The following OR5T2 variants were observed in gnomAD, a reference collection of about 807,000 sequenced individuals.
OR5T2 encodes the protein olfactory receptor 5T2.
A neutral mutation model predicts 13.7 loss-of-function variants in OR5T2; 12 were observed. The observed-to-expected ratio is 0.88, with a 90% confidence interval of 0.56 to 1.42. The LOEUF is 1.42. OR5T2 is among the 40% of genes most tolerant of loss of function. OR5T2 has a pLI of 0.00. For missense variants in OR5T2, 475 were observed against 372.0 expected (o/e 1.28, Z -2.28); for synonymous variants, 146 against 139.5 (o/e 1.05, Z -0.33).
chr11:56,232,687 T>A lies in OR5T2; in HGVS notation c.376A>T (p.Asn126Tyr), dbSNP rs1190441069. ...ATGCTCACTGAATACAGGAGAGGGTTGTAGATGGCTACATAGCGATCATAA... is the reference window on the plus strand; with the variant it reads ...ATGCTCACTGAATACAGGAGAGGGTAGTAGATGGCTACATAGCGATCATAA... ...MAYDRYVAIYNPLLYSVSMSP... is the reference protein window; with the variant it reads ...MAYDRYVAIYYPLLYSVSMSP... Residue 126 changes from asparagine (N) to tyrosine (Y), a missense_variant, in exon 2 of 2, where the codon AAC (asparagine) becomes TAC (tyrosine). Transcript: ENST00000641661. The A allele has an allele frequency of 1.1e-5, 17 of 1,614,022 alleles. No individual in the cohort carries two copies. The highest frequency in any genetic ancestry group is 1.4e-5 in the Non-Finnish European group (17 of 1,180,018).
chr11:56,232,853 G>T lies in OR5T2; in HGVS notation c.210C>A (p.Cys70Ter). The change falls in exon 2 of 2, where the codon TGC becomes TGA. Residue 70 changes from cysteine to a stop codon, truncating the protein, a stop_gained. Transcript: ENST00000641661. LOFTEE classifies it high-confidence loss of function. ...TATTTGGGGTAATAACTGAGGAATA[G>T]CAGGCATCCACAGAAGACAACATAC... ...FLSMLSSVDA[C>*]YSSVITPNML... 1 of 1,612,610 alleles carries T rather than the reference G, an allele frequency of 6.2e-7. No homozygotes were observed. Among genetic ancestry groups the T allele is most frequent in the Non-Finnish European group, 8.5e-7 (1 of 1,179,238 alleles).
In OR5T2 at chr11:56,233,267, G is replaced by A. The variant is rs1026574285; in HGVS notation, c.-202-3C>T. Reference sequence around the variant, plus strand: ...CAGCCATGTGTTCATGCCACTCACTGCAGAATCAAATGGAAGAAATGGACG... The same window carrying A: ...CAGCCATGTGTTCATGCCACTCACTACAGAATCAAATGGAAGAAATGGACG... On this transcript the variant is annotated splice_region_variant and splice_polypyrimidine_tract_variant and intron_variant, in intron 1 of 1. Coordinates refer to ENST00000641661, the MANE Select transcript of OR5T2 (RefSeq NM_001004746.4). The A allele has an allele frequency of 6.2e-6, 7 of 1,131,156 alleles. No individual in the cohort carries two copies. Among genetic ancestry groups the A allele is most frequent in the East Asian group, 2.6e-5 (1 of 37,910 alleles). The allele number at this position is 1,131,156 out of a possible 1,614,324, so 70.1% of individuals were successfully genotyped here.
In OR5T2 at chr11:56,233,238, T is replaced by C; in HGVS notation, c.-176A>G. On this transcript the variant is annotated 5_prime_UTR_variant, in exon 2 of 2. Transcript: ENST00000641661. ...AGTGAATCAGAAGACAGTGACAAAC[T>C]GGTCAGCCATGTGTTCATGCCACTC... The C allele has an allele frequency of 7.0e-7, 1 of 1,423,926 alleles. No homozygotes were observed. Among genetic ancestry groups the C allele is most frequent in the Non-Finnish European group, 9.3e-7 (1 of 1,076,752 alleles). 88.2% of individuals were successfully genotyped at this position (1,423,926 alleles called of 1,614,324 possible). A position where few individuals can be genotyped will look rare whatever the true frequency, so the allele number is the denominator to read the frequency against.
Position 56,232,171 on chromosome 11 carries a change from A to G in OR5T2, c.892T>C (p.Ser298Pro). The G allele has an allele frequency of 1.3e-6, 2 of 1,584,326 alleles. No individual in the cohort carries two copies. Among genetic ancestry groups the G allele is most frequent in the Non-Finnish European group, 1.7e-6 (2 of 1,170,620 alleles). Reference protein sequence around the residue: ...YSLRNKDVKDSMKKMFGKNQV... With the variant: ...YSLRNKDVKDPMKKMFGKNQV... The stretch of plus-strand genomic sequence containing the variant: ...TTTTTCCCAAACATTTTTTTCATTG[A>G]GTCTTTTACATCTTTGTTCCTCAAA... Residue 298 changes from serine (S) to proline (P), a missense_variant, in exon 2 of 2, where the codon TCA becomes CCA. By Grantham distance (74) the Ser-to-Pro change is moderately conservative. Transcript: ENST00000641661.
chr11:56,232,191 C>T lies in OR5T2; in HGVS notation c.872G>A (p.Arg291Lys). 6.2e-7 allele frequency: 1 copy of T among 1,608,512 alleles called. No homozygotes were observed. Among genetic ancestry groups the T allele is most frequent in the Non-Finnish European group, 8.5e-7 (1 of 1,178,044 alleles). Residue 291 changes from arginine to lysine, a missense_variant, in exon 2 of 2, where the codon AGG becomes AAG. By Grantham distance (26) the Arg-to-Lys change is conservative. Coordinates refer to ENST00000641661, the MANE Select transcript of OR5T2 (RefSeq NM_001004746.4). The part of the protein sequence containing the change: ...PLLNPVIYSL[R>K]NKDVKDSMKK... ...CATTGAGTCTTTTACATCTTTGTTC[C>T]TCAAACTGTAGATGACGGGATTCAG...
rs557862783 is a variant in OR5T2 at position 56,231,394 on chromosome 11, T to C, written c.*712A>G. The C allele has an allele frequency of 6.6e-6, 1 of 152,210 alleles. No individual in the cohort carries two copies. Among genetic ancestry groups the C allele is most frequent in the South Asian group, 2.1e-4 (1 of 4,822 alleles). The allele number at this position is 152,210 out of a possible 1,614,324, so 9.4% of individuals were successfully genotyped here. ...GATTTCTTCCTCCCACACCACGTGG[T>C]AATCACCAACTGGGTATCCTCTAAT... On this transcript the variant is annotated 3_prime_UTR_variant, in exon 2 of 2. Transcript: ENST00000641661.
chr11:56,232,756 A>G lies in OR5T2; in HGVS notation c.307T>C (p.Cys103Arg). 6.2e-7 allele frequency: 1 copy of G among 1,614,122 alleles called. No individual in the cohort carries two copies. The highest frequency in any genetic ancestry group is 8.5e-7 in the Non-Finnish European group (1 of 1,179,986). Residue 103 changes from cysteine (C) to arginine (R), a missense_variant, in exon 2 of 2, where the codon TGT (cysteine) becomes CGT (arginine). By Grantham distance (180) the Cys-to-Arg change is radical. Coordinates refer to ENST00000641661, the MANE Select transcript of OR5T2 (RefSeq NM_001004746.4). The part of the protein sequence containing the change: ...LGCVAQVFLA[C>R]SFGTTECFLL... ...AAGCATTCTGTGGTTCCAAAACTAC[A>G]AGCAAGAAACACCTGTGCTACACAT...
At chr11:56,234,096 T>A (rs1044439103) in intron 1 of OR5T2, 81 bp downstream of exon 1, 10 of 152,236 alleles carry the variant, frequency 6.6e-5, no homozygotes, top group African/African-American at 2.4e-4. Context: ...ATCGTGAATG[T>A]AATAACGAAA....
At position 56,232,489 on chromosome 11, in the gene OR5T2, TGTGA is replaced by T; in HGVS notation, c.570_573del (p.His191GlnfsTer19). The T allele has an allele frequency of 2.5e-6, 4 of 1,607,378 alleles. No individual in the cohort carries two copies. The highest frequency in any genetic ancestry group is 3.4e-6 in the Non-Finnish European group (4 of 1,176,494). Reference sequence around the variant, plus strand: ...AAGTAGAAGAGTAGAAGCTGGTTTGTGTGAGTGTCAGAATAAGAAATAGCAAGGA... The same window carrying T: ...AAGTAGAAGAGTAGAAGCTGGTTTGTGTGTCAGAATAAGAAATAGCAAGGA... On this transcript the variant is annotated frameshift_variant, in exon 2 of 2. Transcript: ENST00000641661. LOFTEE classifies it high-confidence loss of function.
chr11:56,233,209 T>C lies in OR5T2; in HGVS notation c.-147A>G, dbSNP rs1239888678. 1.4e-5 allele frequency: 20 copies of C among 1,462,750 alleles called. No homozygotes were observed. The highest frequency in any genetic ancestry group is 1.8e-5 in the Non-Finnish European group (20 of 1,105,272). 90.6% of individuals were successfully genotyped at this position (1,462,750 alleles called of 1,614,324 possible). A position where few individuals can be genotyped will look rare whatever the true frequency, so the allele number is the denominator to read the frequency against. The stretch of plus-strand genomic sequence containing the variant: ...ATATATTCAGCAGTGCATAATTCTC[T>C]AGTAGTGAATCAGAAGACAGTGACA... On this transcript the variant is annotated 5_prime_UTR_variant, in exon 2 of 2. Coordinates refer to ENST00000641661, the MANE Select transcript of OR5T2 (RefSeq NM_001004746.4).
rs1004490364 is a variant in OR5T2 at position 56,231,490 on chromosome 11, C to A, written c.*616G>T. The A allele has an allele frequency of 6.6e-6, 1 of 152,150 alleles. No homozygotes were observed. The highest frequency in any genetic ancestry group is 2.4e-5 in the African/African-American group (1 of 41,426). 9.4% of individuals were successfully genotyped at this position (152,150 alleles called of 1,614,324 possible). A position where few individuals can be genotyped will look rare whatever the true frequency, so the allele number is the denominator to read the frequency against. ...GTTGAGGGTTCAGTCCCCAAAACTG[C>A]CCCCTGACAACACCAGTCACAAATT... On this transcript the variant is annotated 3_prime_UTR_variant, in exon 2 of 2. Coordinates refer to ENST00000641661, the MANE Select transcript of OR5T2 (RefSeq NM_001004746.4).
At position 56,232,831 on chromosome 11, in the gene OR5T2, T is replaced by C. The variant is rs1335045319; in HGVS notation, c.232A>G (p.Asn78Asp). The C allele has an allele frequency of 1.2e-6, 2 of 1,613,634 alleles. No homozygotes were observed. Among genetic ancestry groups the C allele is most frequent in the African/African-American group, 2.7e-5 (2 of 74,992 alleles). Residue 78 changes from asparagine (N) to aspartate (D), a missense_variant, in exon 2 of 2, where the codon AAT becomes GAT. Asn to Asp is a conservative substitution (Grantham distance 23, BLOSUM62 1). Transcript: ENST00000641661. Reference sequence around the variant, plus strand: ...TTTGTCGTAAAATCTACTAACATATTTGGGGTAATAACTGAGGAATAGCAG... The same window carrying C: ...TTTGTCGTAAAATCTACTAACATATCTGGGGTAATAACTGAGGAATAGCAG... The part of the protein sequence containing the change: ...DACYSSVITP[N>D]MLVDFTTKNK...
intron 1 of OR5T2, 135 bp from the exon 2 acceptor site, chr11:56,233,399 CA>C (rs1853324067): frequency 2.6e-6 from 1 of 388,908 alleles, no homozygotes; most frequent in Non-Finnish European, 4.5e-6. Flanking sequence ...TATTAAAACA[CA>C]CAAAAATGAG....
chr11:56,233,326 A>T (rs931155556), intron 1 of OR5T2, 62 bp from the exon 2 acceptor site: 1 of 588,454 alleles, frequency 1.7e-6, no homozygotes, highest in Admixed American at 2.9e-5. Flanking sequence ...CTGTTTCTAA[A>T]ATCATCAGGT....
In OR5T2 at chr11:56,232,972, C is replaced by T; in HGVS notation, c.91G>A (p.Ala31Thr). ...LQTIFFFLFL[A>T]IYLFTLMGNL... ...CCCATGAGAGTGAAGAGGTAGATTG[C>T]TAGAAACAGGAAGAAGAAGATAGTC... Residue 31 changes from alanine (A) to threonine (T), a missense_variant, in exon 2 of 2, where the codon GCA becomes ACA. Ala to Thr is a moderately conservative substitution (Grantham distance 58). Coordinates refer to ENST00000641661, the MANE Select transcript of OR5T2 (RefSeq NM_001004746.4). The T allele has an allele frequency of 6.2e-7, 1 of 1,608,500 alleles. No homozygotes were observed. Among genetic ancestry groups the T allele is most frequent in the South Asian group, 1.1e-5 (1 of 90,088 alleles).
chr11:56,231,931 G>T lies in OR5T2; in HGVS notation c.*175C>A. On this transcript the variant is annotated 3_prime_UTR_variant, in exon 2 of 2. Transcript: ENST00000641661. Reference sequence around the variant, plus strand: ...TGGTGCAAGTGAAAGGAGGGCAGGAGAAGGTAAAAGGCCTGCCCCTGAGGT... The same window carrying T: ...TGGTGCAAGTGAAAGGAGGGCAGGATAAGGTAAAAGGCCTGCCCCTGAGGT... 1 of 495,612 alleles carries T rather than the reference G, an allele frequency of 2.0e-6. No individual in the cohort carries two copies. The highest frequency in any genetic ancestry group is 3.4e-6 in the Non-Finnish European group (1 of 290,808). The allele number at this position is 495,612 out of a possible 1,614,324, so 30.7% of individuals were successfully genotyped here.
At position 56,233,103 on chromosome 11, in the gene OR5T2, C is replaced by G. The variant is rs1853317233; in HGVS notation, c.-41G>C. 6.2e-7 allele frequency: 1 copy of G among 1,604,052 alleles called. No individual in the cohort carries two copies. The highest frequency in any genetic ancestry group is 1.3e-5 in the African/African-American group (1 of 74,730). On this transcript the variant is annotated 5_prime_UTR_variant, in exon 2 of 2. Coordinates refer to ENST00000641661, the MANE Select transcript of OR5T2 (RefSeq NM_001004746.4). ...AAACTTGAAGATATGCATAAAGTTACAGTTCATATTATGACAAAAAGAATG... is the reference window on the plus strand; with the variant it reads ...AAACTTGAAGATATGCATAAAGTTAGAGTTCATATTATGACAAAAAGAATG...
In OR5T2 at chr11:56,232,951, T is replaced by A; in HGVS notation, c.112A>T (p.Met38Leu). Reference protein sequence around the residue: ...LFLAIYLFTLMGNLGLILVVI... With the variant: ...LFLAIYLFTLLGNLGLILVVI... The stretch of plus-strand genomic sequence containing the variant: ...ACTAAAATCAGTCCTAAATTTCCCA[T>A]GAGAGTGAAGAGGTAGATTGCTAGA... Residue 38 changes from methionine to leucine, a missense_variant, in exon 2 of 2, where the codon ATG (methionine) becomes TTG (leucine). Transcript: ENST00000641661. 6.2e-7 allele frequency: 1 copy of A among 1,611,160 alleles called. No individual in the cohort carries two copies. Among genetic ancestry groups the A allele is most frequent in the Non-Finnish European group, 8.5e-7 (1 of 1,178,706 alleles).
rs369017557 is a variant in OR5T2 at position 56,233,163 on chromosome 11, C to G, written c.-101G>C. 4 of 1,561,142 alleles carry G rather than the reference C, an allele frequency of 2.6e-6. No homozygotes were observed. In the African/African-American group the frequency reaches 5.4e-5, roughly 21 times the overall value. ...ATGACTCAAGGGGATGTTAACTGTG[C>G]TCTTGTATATACTGTACGACATATA... On this transcript the variant is annotated 5_prime_UTR_variant, in exon 2 of 2. Transcript: ENST00000641661.
Sources: allele counts gnomAD v4.1 joint callset, GRCh38; gene constraint gnomAD v4.1.1; transcripts MANE v1.5; gene names NCBI Gene and HGNC (gene_info 2026-07-23, HGNC 2026-07-21).